Variants in LIMCH1 observed in about 807,000 individuals in gnomAD.
LIMCH1 encodes the protein LIM and calponin homology domains 1, also known as LIM and calponin homology domains-containing protein 1.
Under a neutral mutation model 176.5 loss-of-function variants are expected in LIMCH1, and 113 were observed. The ratio of observed to expected loss-of-function variants is 0.64; its 90% CI spans 0.55 to 0.75. LIMCH1 has a LOEUF of 0.75. Among genes scored for constraint, LIMCH1 ranks in the 30% least tolerant of loss-of-function variants. The pLI is 0.00. For synonymous variants in LIMCH1, 619 were observed against 645.9 expected (o/e 0.96, Z 0.63); for missense variants, 1,674 against 1,814.9 (o/e 0.92, Z 1.41).
At chr4:41,661,613 A>T in intron 19 of LIMCH1, 103 bp downstream of exon 19, 1 of 829,174 alleles carries the variant, frequency 1.2e-6, no homozygotes, top group Non-Finnish European at 2.0e-6. Context: ...GGAAAGTAGT[A>T]ATTAGACTCC....
chr4:41,613,647 G>T lies in LIMCH1; in HGVS notation c.191G>T (p.Arg64Met). ...ACGCCTTCACCAGATGTAGTCCTCAGGGGAAGCAGCGATGGTAGGTTGGAG... is the reference window on the plus strand; with the variant it reads ...ACGCCTTCACCAGATGTAGTCCTCATGGGAAGCAGCGATGGTAGGTTGGAG... ...RQTPSPDVVL[R>M]GSSDGRGSDS... is the part of the protein sequence containing the mutation. Residue 64 changes from arginine to methionine, a missense_variant, in exon 5 of 32, where the codon AGG becomes ATG. Arg to Met is a moderately conservative substitution (Grantham distance 91). Around this residue, in one of 3 missense-constraint regions of LIMCH1, gnomAD observed 655 missense variants for 692.2 expected, o/e 0.95. Transcript: ENST00000503057. The T allele has an allele frequency of 6.2e-7, 1 of 1,614,066 alleles. No homozygotes were observed. Among genetic ancestry groups the T allele is most frequent in the South Asian group, 1.1e-5 (1 of 91,070 alleles).
In LIMCH1 at chr4:41,605,874, T is replaced by C. The variant is rs775353565; in HGVS notation, c.-102-20T>C. 2 of 1,514,128 alleles carry C rather than the reference T, an allele frequency of 1.3e-6. No individual in the cohort carries two copies. The highest frequency in any genetic ancestry group is 1.8e-6 in the Non-Finnish European group (2 of 1,089,932). The allele number at this position is 1,514,128 out of a possible 1,614,324, so 93.8% of individuals were successfully genotyped here. A position where few individuals can be genotyped will look rare whatever the true frequency, so the allele number is the denominator to read the frequency against. On this transcript the variant is annotated intron_variant, in intron 3 of 31. Coordinates refer to ENST00000503057, the MANE Select transcript of LIMCH1 (RefSeq NM_001330672.2). ...TCATTCTTGAGGGAAAAATCTGCTC[T>C]TGTGCGTTTTGTTCCACAGGTATTA...
chr4:41,692,210 AAACAGT>A, intron 30 of LIMCH1, 66 bp from the exon 31 acceptor site: 1 of 888,292 alleles, frequency 1.1e-6, no homozygotes, highest in Non-Finnish European at 1.9e-6. Context: ...CTATTCACAT[AAACAGT>A]AACTAAGCAT....
chr4:41,420,314 A>C (rs2060501594), intron 1 of LIMCH1, among the ~76,000 whole-genome samples: 1 of 152,132 alleles, frequency 6.6e-6, no homozygotes, highest in Non-Finnish European at 1.5e-5. Context: ...TAATAGTAGA[A>C]CTTAAAAAGG....
At chr4:41,389,814 T>C (rs1432780500) in intron 1 of LIMCH1, among the ~76,000 whole-genome samples, 2 of 152,180 alleles carry the variant, frequency 1.3e-5, no homozygotes, top group Non-Finnish European at 2.9e-5. Flanking sequence ...AACCACTGCT[T>C]TTTGTGAGCC....
chr4:41,461,875 G>A (rs2065410273), intron 1 of LIMCH1, among the ~76,000 whole-genome samples: 1 of 152,212 alleles, frequency 6.6e-6, no homozygotes, highest in South Asian at 2.1e-4. Flanking sequence ...CTAAGTAAGA[G>A]CGTAATGAAA....
chr4:41,674,186 C>A (rs984936206), intron 22 of LIMCH1, among the ~76,000 whole-genome samples: 3 of 152,204 alleles, frequency 2.0e-5, no homozygotes, highest in Non-Finnish European at 2.9e-5. Context: ...TCAATCCCCC[C>A]ACCCCACACT....
At chr4:41,444,042 A>C (rs569841154) in intron 1 of LIMCH1, among the ~76,000 whole-genome samples, 3 of 152,286 alleles carry the variant, frequency 2.0e-5, no homozygotes, top group South Asian at 2.1e-4. Flanking sequence ...AGATATTCCT[A>C]TCTGGATAGG....
At chr4:41,603,794 C>T (rs1584749094) in intron 2 of LIMCH1, 81 bp from the exon 3 acceptor site, 6 of 908,628 alleles carry the variant, frequency 6.6e-6, no homozygotes, top group Non-Finnish European at 1.1e-5. Flanking sequence ...GCTTCAAGTA[C>T]ATCTTAGTGG....
At chr4:41,687,618 G>A (rs1721950712) in intron 28 of LIMCH1, among the ~76,000 whole-genome samples, 1 of 151,464 alleles carries the variant, frequency 6.6e-6, no homozygotes, top group African/African-American at 2.4e-5. Context: ...TGCCAGCCTG[G>A]TTTTGATTTT....
At chr4:41,604,354 A>G (rs1352590861) in intron 3 of LIMCH1, 12 of 348,020 alleles carry the variant, frequency 3.4e-5, no homozygotes, top group Non-Finnish European at 4.9e-5. Flanking sequence ...AATCTTTTGC[A>G]CTTTTATTAG....
chr4:41,652,243 A>C (rs1464351658), intron 18 of LIMCH1, among the ~76,000 whole-genome samples: 2 of 152,140 alleles, frequency 1.3e-5, no homozygotes, highest in Non-Finnish European at 1.5e-5. Context: ...TTGAAGACTA[A>C]AATTATTTTT....
intron 22 of LIMCH1, among the ~76,000 whole-genome samples, chr4:41,673,176 A>G (rs1369883906): frequency 1.3e-5 from 2 of 152,160 alleles, no homozygotes; most frequent in Admixed American, 6.5e-5. Flanking sequence ...ACTAGGGACT[A>G]TCTGTGGAGG....
At chr4:41,460,458 C>CTTTATATTTTTATATATATATA (rs372751468) in intron 1 of LIMCH1, among the ~76,000 whole-genome samples, 19 of 110,550 alleles carry the variant, frequency 1.7e-4, no homozygotes, top group African/African-American at 7.5e-4. Flanking sequence ...TAGTAATCAT[C>CTTTATATTTTTATATATATATA]TATATATATA....
rs893031668 is a variant in LIMCH1 at position 41,629,753 on chromosome 4, C to G, written c.1271+19C>G. ...AGGCGAGGTGTGTCATGTTTCCCCC[C>G]CAGTTTCCCCCTGGCAGTCATGGTA... is the stretch of plus-strand genomic sequence containing the variant. On this transcript the variant is annotated intron_variant, in intron 9 of 31. Coordinates refer to ENST00000503057, the MANE Select transcript of LIMCH1 (RefSeq NM_001330672.2). The G allele has an allele frequency of 1.7e-5, 26 of 1,524,712 alleles. No homozygotes were observed. The highest frequency in any genetic ancestry group is 2.2e-5 in the Non-Finnish European group (25 of 1,139,754). 94.4% of individuals were successfully genotyped at this position (1,524,712 alleles called of 1,614,324 possible). A position where few individuals can be genotyped will look rare whatever the true frequency, so the allele number is the denominator to read the frequency against.
chr4:41,668,347 A>T (rs1260657263), intron 21 of LIMCH1, among the ~76,000 whole-genome samples: 1 of 152,220 alleles, frequency 6.6e-6, no homozygotes, highest in South Asian at 2.1e-4. Context: ...TCCTGAAGGG[A>T]ATTAAAAATA....
At chr4:41,585,231 C>T (rs1273478434) in intron 1 of LIMCH1, among the ~76,000 whole-genome samples, 1 of 152,156 alleles carries the variant, frequency 6.6e-6, no homozygotes, top group Non-Finnish European at 1.5e-5. Flanking sequence ...CCCTGGTAAC[C>T]TTTGTTTTAC....
intron 1 of LIMCH1, among the ~76,000 whole-genome samples, chr4:41,400,017 T>A (rs1391533093): frequency 1.3e-5 from 2 of 151,510 alleles, no homozygotes; most frequent in Admixed American, 1.3e-4. Context: ...TTTTTTTTTT[T>A]TTGGTCTTTT....
chr4:41,360,565 C>T (rs1233820276), upstream of LIMCH1: 1 of 216,736 alleles, frequency 4.6e-6, no homozygotes, highest in Non-Finnish European at 9.0e-6. This position sits in a 1 kb window ranked among gnomAD's most constrained non-coding sequence, Gnocchi z 4.5. Flanking sequence ...GGGGGCGGAG[C>T]GGCCCTCGAA....
Sources: allele counts gnomAD v4.1 joint callset (sites outside exome capture counted in the v4.1 genomes callset), GRCh38; gene constraint gnomAD v4.1.1; regional missense constraint gnomAD v4.1.1; non-coding constraint Gnocchi (gnomAD v3.1); transcripts MANE v1.5; gene names NCBI Gene and HGNC (gene_info 2026-07-23, HGNC 2026-07-21).